The following RNF182 variants were observed in gnomAD, a reference collection of about 807,000 sequenced individuals.
The protein encoded by RNF182 is ring finger protein 182, also known as E3 ubiquitin-protein ligase RNF182.
Under a neutral mutation model 14.4 loss-of-function variants are expected in RNF182, and 15 were observed. The ratio of observed to expected loss-of-function variants is 1.04; its 90% CI spans 0.70 to 1.60. RNF182 has a LOEUF of 1.60. Among genes scored for constraint, RNF182 ranks in the 40% most tolerant of loss-of-function variants. The pLI is 0.00. For synonymous variants in RNF182, 128 were observed against 122.9 expected (o/e 1.04, Z -0.27); for missense variants, 268 against 294.8 (o/e 0.91, Z 0.67).
chr6:13,966,963 A>G (rs1233920750), intron 1 of RNF182, among the ~76,000 whole-genome samples: 2 of 151,856 alleles, frequency 1.3e-5, no homozygotes, highest in Non-Finnish European at 2.9e-5. Context: ...CAGCCTTCTG[A>G]GTAGCTGGGA....
At chr6:13,939,117 T>G (rs1759218811) in intron 1 of RNF182, among the ~76,000 whole-genome samples, 1 of 152,198 alleles carries the variant, frequency 6.6e-6, no homozygotes, top group Non-Finnish European at 1.5e-5. Context: ...TTTACATTGA[T>G]GTAATCCTGA....
chr6:13,977,358 G>GCCTGCCAGATGATGAAGTTAGTAC lies in RNF182; in HGVS notation c.245_246insAGATGATGAAGTTAGTACCCTGCC (p.Asp84_Asn85insGluValSerThrLeuProAspAsp). 3.7e-6 allele frequency: 6 copies of GCCTGCCAGATGATGAAGTTAGTAC among 1,614,130 alleles called. No homozygotes were observed. The highest frequency in any genetic ancestry group is 3.4e-6 in the Non-Finnish European group (4 of 1,180,002). ...TGCCTGCCAGATGATGAAGTTAGTAGCCTGCCCGATGACAACAACATCCTT... is the reference window on the plus strand; with the variant it reads ...TGCCTGCCAGATGATGAAGTTAGTAGCCTGCCAGATGATGAAGTTAGTACCCTGCCCGATGACAACAACATCCTT... On this transcript the variant is annotated inframe_insertion, in exon 3 of 3. Coordinates refer to ENST00000488300, the MANE Select transcript of RNF182 (RefSeq NM_152737.4).
At chr6:13,976,219 C>T (rs1760317891) in intron 2 of RNF182, among the ~76,000 whole-genome samples, 1 of 152,168 alleles carries the variant, frequency 6.6e-6, no homozygotes, top group Non-Finnish European at 1.5e-5. Context: ...TTGACTTGTT[C>T]ATAATGCTTA....
chr6:13,978,290 C>T lies in RNF182; in HGVS notation c.*427C>T, dbSNP rs1192373067. On this transcript the variant is annotated 3_prime_UTR_variant, in exon 3 of 3. Coordinates refer to ENST00000488300, the MANE Select transcript of RNF182 (RefSeq NM_152737.4). ...GTGTACTCCTTTCCCACCCCATACC[C>T]CTGGTATTGGAACACCCTAGAATTG... 5 of 173,950 alleles carry T rather than the reference C, an allele frequency of 2.9e-5. No individual in the cohort carries two copies. The highest frequency in any genetic ancestry group is 9.7e-5 in the African/African-American group (4 of 41,410). 10.8% of individuals were successfully genotyped at this position (173,950 alleles called of 1,614,324 possible).
At chr6:13,954,908 G>A (rs532275298) in intron 1 of RNF182, among the ~76,000 whole-genome samples, 2 of 152,124 alleles carry the variant, frequency 1.3e-5, no homozygotes, top group East Asian at 1.9e-4. Flanking sequence ...GGGGCTCTAC[G>A]CTTCCTGCTG....
At chr6:13,947,469 G>C (rs959942805) in intron 1 of RNF182, among the ~76,000 whole-genome samples, 1 of 152,182 alleles carries the variant, frequency 6.6e-6, no homozygotes, top group Non-Finnish European at 1.5e-5. Flanking sequence ...CTGGTTATTT[G>C]TATAAAGTGA....
At chr6:13,967,666 C>T (rs1377563821) in intron 1 of RNF182, among the ~76,000 whole-genome samples, 10 of 152,048 alleles carry the variant, frequency 6.6e-5, no homozygotes, top group Admixed American at 4.6e-4. Context: ...TTAGAAATTA[C>T]ATATGGCAAT....
intron 1 of RNF182, among the ~76,000 whole-genome samples, chr6:13,953,937 G>T (rs1470361962): frequency 6.6e-6 from 1 of 152,146 alleles, no homozygotes; most frequent in African/African-American, 2.4e-5. Flanking sequence ...GGATGGGCAG[G>T]GGGAGAAACA....
intron 1 of RNF182, among the ~76,000 whole-genome samples, chr6:13,967,081 A>G (rs1365155688): frequency 6.6e-6 from 1 of 151,954 alleles, no homozygotes; most frequent in Non-Finnish European, 1.5e-5. Context: ...CAAGTGATCC[A>G]CCTATCTTGG....
At chr6:13,952,554 G>C (rs900578112) in intron 1 of RNF182, among the ~76,000 whole-genome samples, 6 of 152,062 alleles carry the variant, frequency 3.9e-5, no homozygotes, top group African/African-American at 9.7e-5. Context: ...TGTATCCTAC[G>C]GTTTATCCAA....
At chr6:13,933,138 A>G (rs1759015413) in intron 1 of RNF182, among the ~76,000 whole-genome samples, 1 of 152,200 alleles carries the variant, frequency 6.6e-6, no homozygotes, top group Admixed American at 6.5e-5. Flanking sequence ...TAGTCATCAT[A>G]ACAATAGGAG....
intron 1 of RNF182, among the ~76,000 whole-genome samples, chr6:13,963,248 T>C (rs1170856538): frequency 2.0e-5 from 3 of 152,190 alleles, no homozygotes; most frequent in Non-Finnish European, 4.4e-5. Context: ...GCAAGATGTA[T>C]GGATTGGACA....
intron 1 of RNF182, among the ~76,000 whole-genome samples, chr6:13,951,091 C>T (rs1007136546): frequency 1.3e-5 from 2 of 152,176 alleles, no homozygotes; most frequent in Non-Finnish European, 2.9e-5. Flanking sequence ...GCCATTGTGC[C>T]CAGCCACTTA....
chr6:13,946,180 A>ATTG (rs1207482809), intron 1 of RNF182, among the ~76,000 whole-genome samples: 1 of 147,598 alleles, frequency 6.8e-6, no homozygotes, highest in South Asian at 2.1e-4. Flanking sequence ...TATTATTATT[A>ATTG]TTTTGAGATA....
chr6:13,942,694 T>C (rs1185639167), intron 1 of RNF182, among the ~76,000 whole-genome samples: 1 of 152,220 alleles, frequency 6.6e-6, no homozygotes, highest in Non-Finnish European at 1.5e-5. Context: ...TCTTCTGGTC[T>C]GATCACTTTC....
chr6:13,952,708 C>T (rs146259470), intron 1 of RNF182, among the ~76,000 whole-genome samples: 157 of 152,040 alleles, frequency 1.0e-3, no homozygotes, highest in Non-Finnish European at 1.5e-4. Flanking sequence ...TCAGATATTG[C>T]ACAGGAAACA....
chr6:13,966,636 A>G (rs1400148440), intron 1 of RNF182, among the ~76,000 whole-genome samples: 1 of 151,890 alleles, frequency 6.6e-6, no homozygotes, highest in African/African-American at 2.4e-5. Context: ...GGTGGCGCAC[A>G]CCTGTAATCT....
rs1055640574 is a variant in RNF182 at position 13,926,204 on chromosome 6, A to G, written c.-367+1181A>G. Among the ~76,000 whole-genome samples the G allele has an allele frequency of 2.6e-5, 4 of 152,248 alleles. No homozygotes were observed. In the East Asian group the frequency reaches 7.7e-4, roughly 29 times the overall value. Reference sequence around the variant, plus strand: ...ATGTATAAGTTGGAATAGGTCATTTAAAGAACTATATGGAATGCAAGAAAT... The same window carrying G: ...ATGTATAAGTTGGAATAGGTCATTTGAAGAACTATATGGAATGCAAGAAAT... On this transcript the variant is annotated intron_variant, in intron 1 of 2. Coordinates refer to ENST00000488300, the MANE Select transcript of RNF182 (RefSeq NM_152737.4).
At chr6:13,958,340 T>C (rs1284246465) in intron 1 of RNF182, among the ~76,000 whole-genome samples, 5 of 151,996 alleles carry the variant, frequency 3.3e-5, no homozygotes, top group Non-Finnish European at 7.4e-5. Context: ...GAGCCGAGAT[T>C]GCACCACTGC....
Sources: gnomAD v4.1 joint callset for allele counts (sites outside exome capture counted in the v4.1 genomes callset) on GRCh38, gnomAD v4.1.1 for gene constraint, MANE v1.5 for transcripts, NCBI Gene and HGNC (gene_info 2026-07-23, HGNC 2026-07-21) for gene names.